Variants in TXLNG observed in about 807,000 individuals in gnomAD.
TXLNG encodes the protein gamma-taxilin.
In TXLNG, 5 loss-of-function variants were observed where a neutral mutation model predicts 38.8. The ratio of observed to expected loss-of-function variants is 0.13; its 90% CI spans 0.07 to 0.27. The LOEUF (loss-of-function observed/expected upper bound fraction) is 0.27, where lower values mean the gene tolerates loss of function less well. Ranked by LOEUF, TXLNG falls within the 10% of genes least tolerant of loss-of-function variation. The pLI, the probability that TXLNG is intolerant of heterozygous loss-of-function variation, is 1.00. For missense variants in TXLNG, 393 were observed against 398.2 expected (o/e 0.99, Z 0.11); for synonymous variants, 182 against 158.2 (o/e 1.15, Z -1.13).
At chrX:16,828,906 C>T (rs1929274042) in intron 4 of TXLNG, among the ~76,000 whole-genome samples, 1 of 111,355 alleles carries the variant, frequency 9.0e-6, no homozygotes, top group East Asian at 2.8e-4. Context: ...CCTTTATGCC[C>T]CAACAAACTC....
intron 1 of TXLNG, among the ~76,000 whole-genome samples, chrX:16,791,236 A>G (rs1013058173): frequency 8.9e-6 from 1 of 112,128 alleles, no homozygotes; most frequent in Admixed American, 9.6e-5. Context: ...CGTGATAGAC[A>G]TAATGAGGAG....
intron 3 of TXLNG, among the ~76,000 whole-genome samples, chrX:16,825,736 T>C (rs1929142901): frequency 8.9e-6 from 1 of 112,241 alleles, no homozygotes; most frequent in Non-Finnish European, 1.9e-5. Context: ...AGTCTGTTTT[T>C]ACACTGCCCA....
intron 5 of TXLNG, among the ~76,000 whole-genome samples, chrX:16,830,140 A>G (rs1302795017): frequency 9.1e-6 from 1 of 110,016 alleles, no homozygotes; most frequent in African/African-American, 3.3e-5. Flanking sequence ...TCTCTACAGT[A>G]TCCACTACCA....
At chrX:16,791,702 C>T (rs779218562) in intron 1 of TXLNG, among the ~76,000 whole-genome samples, 2 of 111,849 alleles carry the variant, frequency 1.8e-5, no homozygotes, top group Non-Finnish European at 3.8e-5. Context: ...TCTCCTGCAT[C>T]AGCCTCCCGA....
chrX:16,790,597 AT>A (rs1327771097), intron 1 of TXLNG, among the ~76,000 whole-genome samples: 1 of 112,046 alleles, frequency 8.9e-6, no homozygotes, highest in Non-Finnish European at 1.9e-5. Context: ...AATGTTAAAA[AT>A]TATTTAACTA....
At chrX:16,839,697 C>A in intron 8 of TXLNG, 124 bp from the exon 9 acceptor site, 1 of 437,271 alleles carries the variant, frequency 2.3e-6, no homozygotes, top group Non-Finnish European at 3.9e-6. Context: ...ACACAGCTGT[C>A]AGCTGGGTGA....
chrX:16,803,852 T>G (rs1330589904), intron 1 of TXLNG, among the ~76,000 whole-genome samples: 1 of 109,751 alleles, frequency 9.1e-6, no homozygotes, highest in Non-Finnish European at 1.9e-5. Flanking sequence ...CTCGGAGGTC[T>G]GAGGCAGGAG....
At chrX:16,826,493 T>TCA (rs1929171297) in intron 3 of TXLNG, among the ~76,000 whole-genome samples, 1 of 111,725 alleles carries the variant, frequency 9.0e-6, no homozygotes, top group Admixed American at 9.5e-5. Context: ...AACAGACTGA[T>TCA]TTGTTCCATA....
In TXLNG at chrX:16,834,422, A is replaced by T. The variant is rs759765123; in HGVS notation, c.1059+65A>T. ...ATCTGTGGTTCCTTTGATTCTGCAT[A>T]TCTTCAATCTCCTCTAAGATGGTTT... is the stretch of plus-strand genomic sequence containing the variant. On this transcript the variant is annotated intron_variant, in intron 7 of 9. Coordinates refer to ENST00000380122, the MANE Select transcript of TXLNG (RefSeq NM_018360.3). 5.1e-6 allele frequency: 5 copies of T among 986,533 alleles called. No individual in the cohort carries two copies. The East Asian group carries it at 1.6e-4, about 31-fold the overall frequency. 81.3% of individuals were successfully genotyped at this position (986,533 alleles called of 1,213,427 possible).
rs754753565 is a variant in TXLNG at position 16,843,163 on chromosome X, A to G, written c.*1397A>G. On this transcript the variant is annotated 3_prime_UTR_variant, in exon 10 of 10. Transcript: ENST00000380122. ...TTAGCACATTCCACTGAGCAAAACTATCAGACTGACACTTGTTAAATTGCT... is the reference window on the plus strand; with the variant it reads ...TTAGCACATTCCACTGAGCAAAACTGTCAGACTGACACTTGTTAAATTGCT... 2 of 112,732 alleles carry G rather than the reference A, an allele frequency of 1.8e-5. No homozygotes were observed. Among genetic ancestry groups the G allele is most frequent in the Non-Finnish European group, 3.7e-5 (2 of 53,367 alleles). The allele number at this position is 112,732 out of a possible 1,213,427, so 9.3% of individuals were successfully genotyped here. A position where few individuals can be genotyped will look rare whatever the true frequency, so the allele number is the denominator to read the frequency against.
intron 8 of TXLNG, 99 bp from the exon 9 acceptor site, chrX:16,839,722 T>A: frequency 1.9e-6 from 1 of 519,334 alleles, no homozygotes; most frequent in Admixed American, 3.4e-5. Flanking sequence ...GGTGCAGGGA[T>A]GGGGGAGGGG....
At chrX:16,810,841 C>T (rs1010274288) in intron 1 of TXLNG, among the ~76,000 whole-genome samples, 5 of 110,982 alleles carry the variant, frequency 4.5e-5, no homozygotes, top group Admixed American at 1.9e-4. Flanking sequence ...CCACCATGCC[C>T]AGCTAATTTT....
chrX:16,794,811 A>G (rs1228913825), intron 1 of TXLNG, among the ~76,000 whole-genome samples: 1 of 111,802 alleles, frequency 8.9e-6, no homozygotes, highest in Non-Finnish European at 1.9e-5. Flanking sequence ...AGGTCCAAGT[A>G]TATTTCAGTG....
chrX:16,840,524 A>C, intron 9 of TXLNG: 1 of 700,142 alleles, frequency 1.4e-6, no homozygotes, highest in Non-Finnish European at 1.7e-6. Flanking sequence ...CTGTAATCCC[A>C]GCACTTTGGG....
intron 3 of TXLNG, among the ~76,000 whole-genome samples, chrX:16,823,521 C>A (rs916697240): frequency 8.6e-5 from 9 of 104,152 alleles, no homozygotes; most frequent in Non-Finnish European, 1.8e-4. Flanking sequence ...AAGGGAGTCA[C>A]AGCCTTTTCC....
intron 9 of TXLNG, 149 bp downstream of exon 9, chrX:16,840,065 G>T (rs961735747): frequency 5.1e-5 from 21 of 412,477 alleles, no homozygotes; most frequent in Middle Eastern, 5.3e-4. Context: ...GGGATGAGTT[G>T]CTGGGTAGAA....
intron 1 of TXLNG, among the ~76,000 whole-genome samples, chrX:16,795,770 G>T (rs893856263): frequency 3.6e-5 from 4 of 109,957 alleles, no homozygotes; most frequent in Admixed American, 2.9e-4. Context: ...ATTTGTTTGG[G>T]TAACATGCCA....
intron 3 of TXLNG, among the ~76,000 whole-genome samples, chrX:16,825,087 T>A (rs1385398818): frequency 8.9e-6 from 1 of 111,813 alleles, no homozygotes; most frequent in African/African-American, 3.3e-5. Flanking sequence ...AAAGGGACAT[T>A]TCATAGAAGT....
chrX:16,815,364 G>A (rs1462438728), intron 1 of TXLNG, among the ~76,000 whole-genome samples: 1 of 108,925 alleles, frequency 9.2e-6, no homozygotes, highest in African/African-American at 3.3e-5. Context: ...TAGTAGAGAC[G>A]GGACTTCACC....
Sources: allele counts gnomAD v4.1 joint callset (sites outside exome capture counted in the v4.1 genomes callset), GRCh38; gene constraint gnomAD v4.1.1; transcripts MANE v1.5; gene names NCBI Gene and HGNC (gene_info 2026-07-23, HGNC 2026-07-21).